AGK: variants seen among roughly 807,000 people sequenced by gnomAD.
The protein encoded by AGK is acylglycerol kinase, mitochondrial.
AGK carries 52 observed loss-of-function variants against 66.4 expected under a neutral mutation model. That is an observed-to-expected ratio of 0.78 (90% CI 0.63 to 0.99). The LOEUF is 0.99. Among genes scored for constraint, AGK ranks in the 50% least tolerant of loss-of-function variants. The probability of loss-of-function intolerance (pLI) is 0.00; values close to 1 mark genes in which losing one functional copy is unlikely to be tolerated. For missense variants in AGK, 451 were observed against 506.6 expected, an observed-to-expected ratio of 0.89 and a Z score of 1.05; for synonymous variants, 182 against 181.1, an observed-to-expected ratio of 1.00 and a Z score of -0.04.
At chr7:141,614,057 GT>G (rs1796654116) in intron 6 of AGK, 88 bp from the exon 7 acceptor site, 1 of 979,986 alleles carries the variant, frequency 1.0e-6, no homozygotes, top group Non-Finnish European at 1.6e-6. Flanking sequence ...ACAGGAGTAA[GT>G]TTATGGTCTA....
intron 9 of AGK, among the ~76,000 whole-genome samples, chr7:141,633,567 A>C (rs1797104567): frequency 6.6e-6 from 1 of 152,234 alleles, no homozygotes; most frequent in South Asian, 2.1e-4. Context: ...CAAGTACATG[A>C]AAGAAAAGAA....
At chr7:141,617,210 A>G (rs1796725810) in intron 8 of AGK, among the ~76,000 whole-genome samples, 1 of 152,086 alleles carries the variant, frequency 6.6e-6, no homozygotes, top group African/African-American at 2.4e-5. Context: ...TATTCCAAAT[A>G]GCATATGTCA....
chr7:141,651,700 C>A, intron 15 of AGK, 91 bp downstream of exon 15: 1 of 1,190,686 alleles, frequency 8.4e-7, no homozygotes, highest in Non-Finnish European at 1.2e-6. Context: ...TCTCTGTTAG[C>A]TGACCTAGAC....
chr7:141,602,173 TTGTGTG>T (rs71172608), intron 5 of AGK, among the ~76,000 whole-genome samples: 10 of 125,312 alleles, frequency 8.0e-5, no homozygotes, highest in Non-Finnish European at 1.2e-4. Context: ...GGAGATTTTC[TTGTGTG>T]TGTGTGTGTG....
intron 9 of AGK, among the ~76,000 whole-genome samples, chr7:141,633,437 G>A (rs1242957439): frequency 1.3e-5 from 2 of 152,094 alleles, no homozygotes; most frequent in Non-Finnish European, 2.9e-5. Flanking sequence ...TTTGTAACAC[G>A]TATTTGACTG....
intron 3 of AGK, 87 bp downstream of exon 3, chr7:141,593,272 G>A (rs758906898): frequency 1.7e-6 from 2 of 1,190,960 alleles, no homozygotes; most frequent in Admixed American, 1.7e-5. Context: ...CTTGCACAGT[G>A]TCTTGCATCT....
At chr7:141,570,545 G>C (rs541419131) in intron 2 of AGK, among the ~76,000 whole-genome samples, 2 of 151,560 alleles carry the variant, frequency 1.3e-5, no homozygotes, top group South Asian at 4.2e-4. Context: ...TTAGAGAATA[G>C]TATAATGAAT....
At chr7:141,626,828 G>A (rs1406527449) in intron 9 of AGK, among the ~76,000 whole-genome samples, 2 of 152,126 alleles carry the variant, frequency 1.3e-5, no homozygotes, top group African/African-American at 4.8e-5. Context: ...AGGCAGTATT[G>A]GAACAATTAG....
rs58292692 is a variant in AGK at position 141,575,654 on chromosome 7, CTT to C, written c.102-17464_102-17463del. On this transcript the variant is annotated intron_variant, in intron 2 of 15. Coordinates refer to ENST00000649286, the MANE Select transcript of AGK (RefSeq NM_018238.4). ...GGGCTTAGATGCCTTTTACAAAGGC[CTT>C]TTTTTTTTTTTTTTTTTTTTTTTTT... Among the ~76,000 whole-genome samples the C allele has an allele frequency of 2.9e-3, 169 of 58,218 alleles. 1 individual carries two copies. The highest frequency in any genetic ancestry group is 0.011 in the African/African-American group (155 of 14,380). 38.2% of individuals were successfully genotyped at this position (58,218 alleles called of 152,430 possible). A position where few individuals can be genotyped will look rare whatever the true frequency, so the allele number is the denominator to read the frequency against.
At chr7:141,600,753 A>G (rs528454922) in intron 4 of AGK, among the ~76,000 whole-genome samples, 1 of 152,304 alleles carries the variant, frequency 6.6e-6, no homozygotes, top group South Asian at 2.1e-4. Context: ...AGAGGGCATG[A>G]CTGTGCCTGG....
rs528692357 is a variant in AGK at position 141,583,504 on chromosome 7, C to T, written c.102-9642C>T. Reference sequence around the variant, plus strand: ...AGAGAAGGGGTGGGCGGTGCTTGCCCCCCAGGAAAGTGGAGAGAAAAGAGA... The same window carrying T: ...AGAGAAGGGGTGGGCGGTGCTTGCCTCCCAGGAAAGTGGAGAGAAAAGAGA... On this transcript the variant is annotated intron_variant, in intron 2 of 15. Transcript: ENST00000649286. Among the ~76,000 whole-genome samples the T allele has an allele frequency of 4.8e-4, 70 of 145,450 alleles. 1 individual carries two copies. In the South Asian group the frequency reaches 9.8e-3, roughly 20 times the overall value.
At chr7:141,554,161 G>C (rs1427219518) in intron 1 of AGK, among the ~76,000 whole-genome samples, 1 of 151,852 alleles carries the variant, frequency 6.6e-6, no homozygotes, top group Non-Finnish European at 1.5e-5. Flanking sequence ...GCAACATAGT[G>C]AGACCTTGTC....
At chr7:141,587,014 C>G (rs1796007524) in intron 2 of AGK, among the ~76,000 whole-genome samples, 1 of 152,124 alleles carries the variant, frequency 6.6e-6, no homozygotes, top group Non-Finnish European at 1.5e-5. Flanking sequence ...GCCTAGACAC[C>G]TCCACCCGGG....
At chr7:141,615,379 G>A in intron 7 of AGK, 92 bp from the exon 8 acceptor site, 1 of 973,446 alleles carries the variant, frequency 1.0e-6, no homozygotes, top group Non-Finnish European at 1.6e-6. Context: ...TACAGGGTCA[G>A]TTATTTGTCA....
chr7:141,621,262 T>C (rs1162011548), intron 8 of AGK, among the ~76,000 whole-genome samples: 1 of 152,214 alleles, frequency 6.6e-6, no homozygotes, highest in African/African-American at 2.4e-5. Flanking sequence ...CTAGTAGTCC[T>C]GGAAAATAAG....
intron 1 of AGK, among the ~76,000 whole-genome samples, chr7:141,554,061 C>G (rs1795156706): frequency 6.6e-6 from 1 of 152,068 alleles, no homozygotes; most frequent in Non-Finnish European, 1.5e-5. Flanking sequence ...GTTTTTGAGC[C>G]AGGTGCAGTG....
intron 9 of AGK, among the ~76,000 whole-genome samples, chr7:141,624,415 T>C (rs1206285957): frequency 2.0e-5 from 3 of 152,112 alleles, no homozygotes; most frequent in African/African-American, 7.2e-5. Flanking sequence ...GCAAAGTAAA[T>C]TGAAAACCTT....
rs377016032 is a variant in AGK at position 141,652,739 on chromosome 7, T to C, written c.1132-48T>C. The C allele has an allele frequency of 4.4e-6, 7 of 1,598,288 alleles. No individual in the cohort carries two copies. The South Asian group carries it at 7.8e-5, about 18-fold the overall frequency. On this transcript the variant is annotated intron_variant, in intron 15 of 15. Transcript: ENST00000649286. ...GCTGCTGTGAGACCTCCAACTCCAG[T>C]AGGCCACTGATGTGTTTGAGCTGTT...
At chr7:141,592,019 C>G (rs540644140) in intron 2 of AGK, among the ~76,000 whole-genome samples, 75 of 152,308 alleles carry the variant, frequency 4.9e-4, no homozygotes, top group Non-Finnish European at 9.1e-4. Flanking sequence ...ATATAAAAAA[C>G]AAGTGATTTA....
Sources: allele counts gnomAD v4.1 joint callset (sites outside exome capture counted in the v4.1 genomes callset), GRCh38; gene constraint gnomAD v4.1.1; transcripts MANE v1.5; gene names NCBI Gene and HGNC (gene_info 2026-07-23, HGNC 2026-07-21).